Variants in MS4A14 observed in about 807,000 individuals in gnomAD.
The protein encoded by MS4A14 is membrane spanning 4-domains A14.
Under a neutral mutation model 16.7 loss-of-function variants are expected in MS4A14, and 18 were observed. The ratio of observed to expected loss-of-function variants is 1.08; its 90% CI spans 0.75 to 1.60. MS4A14 has a LOEUF of 1.60. Ranked by LOEUF, MS4A14 falls within the 40% of genes most tolerant of loss-of-function variation. The pLI is 0.00. For missense variants in MS4A14, 812 were observed against 775.3 expected (o/e 1.05, Z -0.56); for synonymous variants, 305 against 289.4 (o/e 1.05, Z -0.55).
Position 60,400,402 on chromosome 11 carries a change from A to G in MS4A14, c.268-2A>G. The G allele has an allele frequency of 6.3e-7, 1 of 1,598,252 alleles. No homozygotes were observed. The highest frequency in any genetic ancestry group is 2.2e-5 in the East Asian group (1 of 44,644). ...AACTTTTGTCTCTTGTCTTCTTAAC[A>G]GTTTATTCTTACAGGATACCTCACA... On this transcript the variant is annotated splice_acceptor_variant, in intron 2 of 4. Transcript: ENST00000300187. LOFTEE classifies it high-confidence loss of function.
At chr11:60,412,766 T>C (rs2085886096) in intron 4 of MS4A14, among the ~76,000 whole-genome samples, 1 of 151,980 alleles carries the variant, frequency 6.6e-6, no homozygotes, top group Non-Finnish European at 1.5e-5. Flanking sequence ...AGAGTAATTC[T>C]TGAAATCAGA....
rs1257109055 is a variant in MS4A14 at position 60,402,901 on chromosome 11, C to G, written c.319-11C>G. The G allele has an allele frequency of 6.2e-7, 1 of 1,605,504 alleles. No individual in the cohort carries two copies. The highest frequency in any genetic ancestry group is 1.7e-5 in the Admixed American group (1 of 58,262). Reference sequence around the variant, plus strand: ...TCTTATTTATTTTATCATTTTTAAACTATCTTTCAGGGTCAAGGTGTCACG... The same window carrying G: ...TCTTATTTATTTTATCATTTTTAAAGTATCTTTCAGGGTCAAGGTGTCACG... On this transcript the variant is annotated splice_polypyrimidine_tract_variant and intron_variant, in intron 3 of 4. Coordinates refer to ENST00000300187, the MANE Select transcript of MS4A14 (RefSeq NM_032597.5).
At chr11:60,400,366 C>G in intron 2 of MS4A14, 38 bp from the exon 3 acceptor site, 2 of 1,429,764 alleles carry the variant, frequency 1.4e-6, no homozygotes, top group Non-Finnish European at 1.9e-6. Flanking sequence ...TGGTCAAACA[C>G]ATCACCTGTT....
intron 4 of MS4A14, among the ~76,000 whole-genome samples, chr11:60,409,578 T>TA (rs2085837672): frequency 6.8e-6 from 1 of 147,856 alleles, no homozygotes; most frequent in Non-Finnish European, 1.5e-5. Context: ...TAATGTATAT[T>TA]TTATATATAT....
At chr11:60,398,796 G>C (rs1000636935) in intron 2 of MS4A14, among the ~76,000 whole-genome samples, 9 of 152,094 alleles carry the variant, frequency 5.9e-5, no homozygotes, top group African/African-American at 2.2e-4. Context: ...TCTATAATGT[G>C]CATTTCAGAA....
chr11:60,402,127 C>A (rs1163126930), intron 3 of MS4A14, among the ~76,000 whole-genome samples: 1 of 152,068 alleles, frequency 6.6e-6, no homozygotes, highest in East Asian at 1.9e-4. Context: ...CAGATGACCC[C>A]CTTCCTGTAA....
At chr11:60,398,081 G>C in intron 2 of MS4A14, 101 bp downstream of exon 2, 1 of 1,345,098 alleles carries the variant, frequency 7.4e-7, no homozygotes, top group East Asian at 2.5e-5. Context: ...TGGCCCTCCA[G>C]GAGACCAAAA....
chr11:60,409,954 T>G (rs1320570360), intron 4 of MS4A14, among the ~76,000 whole-genome samples: 4 of 152,200 alleles, frequency 2.6e-5, no homozygotes, highest in Non-Finnish European at 5.9e-5. Flanking sequence ...GCTTAAATGA[T>G]TCTCCTGTTT....
intron 3 of MS4A14, 39 bp from the exon 4 acceptor site, chr11:60,402,873 C>T (rs758836250): frequency 4.5e-5 from 72 of 1,592,282 alleles, no homozygotes; most frequent in Middle Eastern, 1.7e-4. Flanking sequence ...GCTTTGGTTT[C>T]GATCTTATTT....
At chr11:60,414,884 A>G (rs1164703227) in intron 4 of MS4A14, among the ~76,000 whole-genome samples, 1 of 152,140 alleles carries the variant, frequency 6.6e-6, no homozygotes, top group Non-Finnish European at 1.5e-5. Flanking sequence ...TAGATTAAAT[A>G]TTGCCTCTTC....
intron 3 of MS4A14, among the ~76,000 whole-genome samples, chr11:60,400,814 G>A (rs1020980009): frequency 6.6e-6 from 1 of 152,214 alleles, no homozygotes; most frequent in Non-Finnish European, 1.5e-5. Context: ...GGCAACAAGT[G>A]AGTAGAGGCC....
rs2085621859 is a variant in MS4A14, at chr11:60,396,483, C to G, written c.-96C>G. ...TAGAGTCATCACTAAGGGCTCATCT[C>G]TGAGGGCTCCATGTGACTCTGGTGG... On this transcript the variant is annotated 5_prime_UTR_variant, in exon 1 of 5. Transcript: ENST00000300187. 1 of 1,420,078 alleles carries G rather than the reference C, an allele frequency of 7.0e-7. No individual in the cohort carries two copies. Among genetic ancestry groups the G allele is most frequent in the Non-Finnish European group, 9.6e-7 (1 of 1,043,314 alleles). The allele number at this position is 1,420,078 out of a possible 1,614,324, so 88.0% of individuals were successfully genotyped here. A position where few individuals can be genotyped will look rare whatever the true frequency, so the allele number is the denominator to read the frequency against.
intron 3 of MS4A14, among the ~76,000 whole-genome samples, chr11:60,400,883 T>A (rs1317072439): frequency 6.6e-6 from 1 of 152,142 alleles, no homozygotes; most frequent in Non-Finnish European, 1.5e-5. Context: ...ACAAAAATTA[T>A]CCAACAAAAA....
rs183881843 is a variant in MS4A14, at chr11:60,402,145, C to T, written c.319-767C>T. Among the ~76,000 whole-genome samples the T allele has an allele frequency of 2.6e-3, 394 of 152,018 alleles. 2 individuals are homozygous for T. The highest frequency in any genetic ancestry group is 3.5e-3 in the Non-Finnish European group (236 of 67,956). ...ATGACCCCCTTCCTGTAAAGGAACT[C>T]GGATATACCTACCCCACCCACCCAC... On this transcript the variant is annotated intron_variant, in intron 3 of 4. Coordinates refer to ENST00000300187, the MANE Select transcript of MS4A14 (RefSeq NM_032597.5).
intron 4 of MS4A14, among the ~76,000 whole-genome samples, chr11:60,407,362 A>C (rs2085803907): frequency 6.6e-6 from 1 of 152,148 alleles, no homozygotes; most frequent in Admixed American, 6.5e-5. Flanking sequence ...TAAAGTTCTG[A>C]ACTATTATCA....
In MS4A14 at chr11:60,412,336, A is replaced by T. The variant is rs1351992735; in HGVS notation, c.469-3101A>T. ...TTTTTTTTTCTTTAAATTTTGGTAG[A>T]ATTCACTGGTGAAGCCATCTGATCC... is the stretch of plus-strand genomic sequence containing the variant. On this transcript the variant is annotated intron_variant, in intron 4 of 4. Coordinates refer to ENST00000300187, the MANE Select transcript of MS4A14 (RefSeq NM_032597.5). Among the ~76,000 whole-genome samples, 2 of 151,564 alleles carry T rather than the reference A, an allele frequency of 1.3e-5. 1 individual carries two copies. Among genetic ancestry groups the T allele is most frequent in the East Asian group, 3.9e-4 (2 of 5,186 alleles).
At position 60,405,164 on chromosome 11, in the gene MS4A14, C is replaced by A. The variant is rs554173618; in HGVS notation, c.468+2103C>A. ...GCACAATCTCGGCTCACCACAACCT[C>A]CGCCTCCTAGGTTCAAGCAATTCTC... On this transcript the variant is annotated intron_variant, in intron 4 of 4. Transcript: ENST00000300187. 2.6e-5 allele frequency among the ~76,000 whole-genome samples: 4 copies of A among 152,132 alleles called. No homozygotes were observed. In the East Asian group the frequency reaches 7.7e-4, roughly 29 times the overall value.
rs1302482152 is a variant in MS4A14 at position 60,417,278 on chromosome 11, A to T, written c.*270A>T. ...AGGGGACATGAAATGTATAGGGCAA[A>T]CCTCAGGGGACCTGCAATCAGAAGA... is the stretch of plus-strand genomic sequence containing the variant. On this transcript the variant is annotated 3_prime_UTR_variant, in exon 5 of 5. Coordinates refer to ENST00000300187, the MANE Select transcript of MS4A14 (RefSeq NM_032597.5). 3.5e-6 allele frequency: 1 copy of T among 283,698 alleles called. No homozygotes were observed. Among genetic ancestry groups the T allele is most frequent in the Non-Finnish European group, 6.6e-6 (1 of 152,272 alleles). 17.6% of individuals were successfully genotyped at this position (283,698 alleles called of 1,614,324 possible).
At chr11:60,406,865 A>G (rs1429833942) in intron 4 of MS4A14, among the ~76,000 whole-genome samples, 2 of 152,144 alleles carry the variant, frequency 1.3e-5, no homozygotes, top group African/African-American at 2.4e-5. Context: ...TCATGGAATC[A>G]TAAGTAAGTA....
Sources: gnomAD v4.1 joint callset for allele counts (sites outside exome capture counted in the v4.1 genomes callset) on GRCh38, gnomAD v4.1.1 for gene constraint, MANE v1.5 for transcripts, NCBI Gene and HGNC (gene_info 2026-07-23, HGNC 2026-07-21) for gene names.